The following LYRM4 variants were observed in gnomAD, a reference collection of about 807,000 sequenced individuals.
LYRM4 encodes the protein LYR motif containing 4, also known as LYR motif-containing protein 4.
In LYRM4, 9 loss-of-function variants were observed where a neutral mutation model predicts 11.7. The observed-to-expected ratio is 0.77, with a 90% CI of 0.46 to 1.34. The LOEUF is 1.34. Ranked by LOEUF, LYRM4 falls within the 40% of genes most tolerant of loss-of-function variation. The probability of loss-of-function intolerance (pLI) is 0.00; values close to 1 mark genes in which losing one functional copy is unlikely to be tolerated. For synonymous variants in LYRM4, 42 were observed against 40.4 expected (o/e 1.04, Z -0.15); for missense variants, 133 against 112.5 (o/e 1.18, Z -0.82).
At chr6:5,185,359 CT>C (rs1282671901) in intron 2 of LYRM4, among the ~76,000 whole-genome samples, 3 of 152,202 alleles carry the variant, frequency 2.0e-5, no homozygotes, top group Non-Finnish European at 4.4e-5. Context: ...GAAAGGACAT[CT>C]TCCCAGGAGG....
At chr6:5,066,190 A>C in the LYRM4 span, 2,382 of 690,470 alleles carry the variant, frequency 3.4e-3, 41 homozygotes, top group African/African-American at 0.038. Flanking sequence ...CCAAGCCTCC[A>C]TGTGCAGAAC....
chr6:5,236,308 T>C (rs1447884890), intron 1 of LYRM4: 1 of 151,130 alleles, frequency 6.6e-6, no homozygotes, highest in Admixed American at 6.6e-5. Flanking sequence ...CTATTAAAAA[T>C]ATAAAAATTA....
At chr6:5,126,371 A>G (rs1297984493) in intron 2 of LYRM4, among the ~76,000 whole-genome samples, 1 of 152,216 alleles carries the variant, frequency 6.6e-6, no homozygotes, top group Non-Finnish European at 1.5e-5. Flanking sequence ...TCGGCAGTGT[A>G]GTTGCTAGAA....
intron 1 of LYRM4, among the ~76,000 whole-genome samples, chr6:5,250,176 T>C (rs1476055228): frequency 2.0e-5 from 3 of 152,064 alleles, no homozygotes; most frequent in South Asian, 4.1e-4. Context: ...CATTATTTTT[T>C]AATTATAACA....
chr6:5,067,543 G>A, the LYRM4 span, among the ~76,000 whole-genome samples: 6 of 152,182 alleles, frequency 3.9e-5, no homozygotes, highest in Non-Finnish European at 2.9e-5. Context: ...CTGGGGGAGT[G>A]CTCAGTGTCT....
At chr6:5,178,227 T>C (rs1759835344) in intron 2 of LYRM4, among the ~76,000 whole-genome samples, 1 of 152,148 alleles carries the variant, frequency 6.6e-6, no homozygotes, top group Non-Finnish European at 1.5e-5. Flanking sequence ...ATTTTTTTGG[T>C]AACAGTCAAA....
the LYRM4 span, among the ~76,000 whole-genome samples, chr6:5,070,014 G>C: frequency 6.6e-6 from 1 of 152,180 alleles, no homozygotes; most frequent in South Asian, 2.1e-4. Context: ...GCACATGCTA[G>C]GCTTAGCAAT....
At chr6:5,097,693 G>A in the LYRM4 span, among the ~76,000 whole-genome samples, 3 of 152,314 alleles carry the variant, frequency 2.0e-5, no homozygotes, top group South Asian at 4.1e-4. Context: ...CATGATGGCA[G>A]AGCCTGCACG....
intron 2 of LYRM4, among the ~76,000 whole-genome samples, chr6:5,166,809 T>A (rs551750428): frequency 6.6e-6 from 1 of 152,204 alleles, no homozygotes; most frequent in Non-Finnish European, 1.5e-5. Context: ...TGAATGAAAG[T>A]TGAATTATTC....
intron 2 of LYRM4, among the ~76,000 whole-genome samples, chr6:5,176,888 C>T (rs116091424): frequency 0.012 from 1,773 of 152,208 alleles, 33 homozygotes; most frequent in African/African-American, 0.04. Flanking sequence ...GTACATTTCC[C>T]CAAGCTTCCC....
the LYRM4 span, among the ~76,000 whole-genome samples, chr6:5,047,306 C>G: frequency 6.6e-6 from 1 of 152,186 alleles, no homozygotes; most frequent in African/African-American, 2.4e-5. Flanking sequence ...AGTCTTAGCA[C>G]TGAAGGTCCT....
chr6:5,139,421 T>C (rs937280806), intron 2 of LYRM4, among the ~76,000 whole-genome samples: 3 of 152,156 alleles, frequency 2.0e-5, no homozygotes, highest in Non-Finnish European at 2.9e-5. Flanking sequence ...CAAACTGGAG[T>C]AGGACAATGA....
At chr6:5,057,298 G>A in the LYRM4 span, among the ~76,000 whole-genome samples, 1 of 152,240 alleles carries the variant, frequency 6.6e-6, no homozygotes, top group South Asian at 2.1e-4. Flanking sequence ...CGACCTGAAG[G>A]GGGAGCTCAA....
At chr6:5,248,914 T>C (rs150867324) in intron 1 of LYRM4, among the ~76,000 whole-genome samples, 53 of 152,364 alleles carry the variant, frequency 3.5e-4, no homozygotes, top group Middle Eastern at 3.4e-3. Flanking sequence ...AAATGTTTGC[T>C]GAATGAAACA....
Position 5,109,372 on chromosome 6 carries a change from T to G in LYRM4, c.*51A>C, listed in dbSNP as rs769202533. On this transcript the variant is annotated 3_prime_UTR_variant, in exon 3 of 3. Transcript: ENST00000330636. ...GGGAGCCCCCATCTCAAACAGAGAG[T>G]GGATGCTGAAGGTGGTCCCTGGCCG... 1 of 1,610,362 alleles carries G rather than the reference T, an allele frequency of 6.2e-7. No homozygotes were observed. The highest frequency in any genetic ancestry group is 1.1e-5 in the South Asian group (1 of 90,906).
intron 2 of LYRM4, among the ~76,000 whole-genome samples, chr6:5,198,929 A>G (rs1404975304): frequency 1.3e-5 from 2 of 152,224 alleles, no homozygotes; most frequent in African/African-American, 2.4e-5. Flanking sequence ...ATGGGGCAAA[A>G]TTAGAACCCT....
intron 2 of LYRM4, among the ~76,000 whole-genome samples, chr6:5,203,806 C>T (rs1761533986): frequency 6.6e-6 from 1 of 152,300 alleles, no homozygotes; most frequent in South Asian, 2.1e-4. Context: ...AGCAGAAGCA[C>T]ATGAAAGAAG....
At chr6:5,073,678 T>C in the LYRM4 span, among the ~76,000 whole-genome samples, 3 of 151,574 alleles carry the variant, frequency 2.0e-5, no homozygotes, top group African/African-American at 7.3e-5. Flanking sequence ...CCACTTTCCA[T>C]GATCACCATA....
the LYRM4 span, among the ~76,000 whole-genome samples, chr6:5,094,204 A>T: frequency 6.6e-6 from 1 of 152,334 alleles, no homozygotes; most frequent in South Asian, 2.1e-4. Flanking sequence ...GCTTGAGGCC[A>T]GGTGCAGTGG....
Sources: allele counts gnomAD v4.1 joint callset (sites outside exome capture counted in the v4.1 genomes callset), GRCh38; gene constraint gnomAD v4.1.1; transcripts MANE v1.5; gene names NCBI Gene and HGNC (gene_info 2026-07-23, HGNC 2026-07-21).